CACNA2D2: variants seen among roughly 807,000 people sequenced by gnomAD.
The protein encoded by CACNA2D2 is calcium voltage-gated channel auxiliary subunit alpha2delta 2, also known as voltage-dependent calcium channel subunit alpha-2/delta-2.
Under a neutral mutation model 166.4 loss-of-function variants are expected in CACNA2D2, and 48 were observed. That is an observed-to-expected ratio of 0.29 (90% CI 0.23 to 0.37). The LOEUF is 0.37. CACNA2D2 is among the 10% of genes least tolerant of loss of function. The probability of loss-of-function intolerance (pLI) is 1.00; values close to 1 mark genes in which losing one functional copy is unlikely to be tolerated. For missense variants in CACNA2D2, 1,122 were observed against 1,433.0 expected, an observed-to-expected ratio of 0.78 and a Z score of 3.50; for synonymous variants, 561 against 573.7, an observed-to-expected ratio of 0.98 and a Z score of 0.32.
intron 2 of CACNA2D2, among the ~76,000 whole-genome samples, chr3:50,474,874 T>A (rs1710243930): frequency 6.6e-6 from 1 of 152,140 alleles, no homozygotes; most frequent in Non-Finnish European, 1.5e-5. Context: ...GGCCTCCAAG[T>A]GCGGCTGAGT....
chr3:50,394,174 G>A lies in CACNA2D2; in HGVS notation c.406-6C>T. 6.2e-7 allele frequency: 1 copy of A among 1,613,750 alleles called. No homozygotes were observed. The highest frequency in any genetic ancestry group is 8.5e-7 in the Non-Finnish European group (1 of 1,179,710). Reference sequence around the variant, plus strand: ...TCTGCAGCATCAGCCAGTCTCTGAGGGACAGAGCACAGGGAGGTCAGAAGC... The same window carrying A: ...TCTGCAGCATCAGCCAGTCTCTGAGAGACAGAGCACAGGGAGGTCAGAAGC... On this transcript the variant is annotated splice_region_variant and splice_polypyrimidine_tract_variant and intron_variant, in intron 3 of 37. Coordinates refer to ENST00000424201, the MANE Select transcript of CACNA2D2 (RefSeq NM_006030.4).
chr3:50,500,911 A>G (rs1223595285), intron 1 of CACNA2D2, among the ~76,000 whole-genome samples: 1 of 151,826 alleles, frequency 6.6e-6, no homozygotes, highest in Non-Finnish European at 1.5e-5. Context: ...GCAGACCCCA[A>G]ACCCACACTT....
intron 3 of CACNA2D2, among the ~76,000 whole-genome samples, chr3:50,400,790 C>T (rs1460407466): frequency 6.6e-6 from 1 of 152,258 alleles, no homozygotes; most frequent in African/African-American, 2.4e-5. Flanking sequence ...GCTGGACACA[C>T]TTGGCTCCTG....
intron 1 of CACNA2D2, among the ~76,000 whole-genome samples, chr3:50,500,072 T>C (rs1486783174): frequency 2.6e-5 from 4 of 151,928 alleles, no homozygotes; most frequent in African/African-American, 9.7e-5. Context: ...CACAGGGAGA[T>C]GGAGACAGGG....
rs1703994628 is a variant in CACNA2D2 at position 50,362,640 on chromosome 3, A to C, written c.*2026T>G. On this transcript the variant is annotated 3_prime_UTR_variant, in exon 38 of 38. Coordinates refer to ENST00000424201, the MANE Select transcript of CACNA2D2 (RefSeq NM_006030.4). ...TGTCAAGGGCCTGGCACCTATTATA[A>C]CTGGTGGAAGCAAGTGCCATGCCCT... Among the ~76,000 whole-genome samples, 1 of 151,422 alleles carries C rather than the reference A, an allele frequency of 6.6e-6. No homozygotes were observed. Among genetic ancestry groups the C allele is most frequent in the Non-Finnish European group, 1.5e-5 (1 of 68,018 alleles).
At chr3:50,442,454 T>C (rs1265639045) in intron 2 of CACNA2D2, among the ~76,000 whole-genome samples, 3 of 152,184 alleles carry the variant, frequency 2.0e-5, no homozygotes, top group Non-Finnish European at 2.9e-5. Context: ...CCACCACTCC[T>C]TGATCTAAGA....
intron 2 of CACNA2D2, among the ~76,000 whole-genome samples, chr3:50,442,225 T>C (rs1230582726): frequency 6.6e-6 from 1 of 152,156 alleles, no homozygotes; most frequent in African/African-American, 2.4e-5. Flanking sequence ...CAAATGGCCC[T>C]GGGCAAGGGG....
intron 6 of CACNA2D2, 75 bp from the exon 7 acceptor site, chr3:50,381,201 G>A: frequency 2.0e-6 from 3 of 1,525,628 alleles, no homozygotes; most frequent in Non-Finnish European, 1.8e-6. Flanking sequence ...CGACACTCAT[G>A]CCTGTGCCCC....
At chr3:50,434,254 GA>G in intron 3 of CACNA2D2, 58 bp downstream of exon 3, 3 of 1,176,430 alleles carry the variant, frequency 2.6e-6, no homozygotes, top group Non-Finnish European at 3.8e-6. Flanking sequence ...CATGGTACAG[GA>G]CCTCTCCACC....
intron 3 of CACNA2D2, 99 bp from the exon 4 acceptor site, chr3:50,394,267 C>A (rs1461988415): frequency 7.0e-5 from 67 of 958,934 alleles, no homozygotes; most frequent in East Asian, 1.2e-4. Flanking sequence ...TGGGGCCAGG[C>A]TGGACTGGTG....
In CACNA2D2 at chr3:50,366,950, T is replaced by G; in HGVS notation, c.2501-31A>C. 6.2e-7 allele frequency: 1 copy of G among 1,613,276 alleles called. No homozygotes were observed. On this transcript the variant is annotated intron_variant, in intron 28 of 37. Transcript: ENST00000424201. This position sits in a 1 kb window ranked among gnomAD's most constrained non-coding sequence, Gnocchi z 5.9. The stretch of plus-strand genomic sequence containing the variant: ...GGGGAGAGCAAGGGACCATCAGTGC[T>G]ACCTGCCCAGGCAGTACCCTGTCCA...
chr3:50,494,927 C>T (rs765637550), intron 1 of CACNA2D2, among the ~76,000 whole-genome samples: 3 of 152,232 alleles, frequency 2.0e-5, no homozygotes, highest in Admixed American at 6.5e-5. Context: ...CCTCCCACCT[C>T]GGCCTCCTAA....
intron 1 of CACNA2D2, among the ~76,000 whole-genome samples, chr3:50,481,767 G>A (rs1338012929): frequency 2.6e-5 from 4 of 152,176 alleles, no homozygotes; most frequent in Admixed American, 1.3e-4. Context: ...AGCCCCAGGC[G>A]GGCAGTTTGC....
Position 50,376,203 on chromosome 3 carries a change from T to TG in CACNA2D2, c.1627-16dup. 6.2e-7 allele frequency: 1 copy of TG among 1,612,956 alleles called. No homozygotes were observed. The highest frequency in any genetic ancestry group is 8.5e-7 in the Non-Finnish European group (1 of 1,179,822). On this transcript the variant is annotated splice_polypyrimidine_tract_variant and intron_variant, in intron 17 of 37. Coordinates refer to ENST00000424201, the MANE Select transcript of CACNA2D2 (RefSeq NM_006030.4). This position sits in a 1 kb window ranked among gnomAD's most constrained non-coding sequence, Gnocchi z 4.3. ...TTGGCTCCAAGCTGGAGGCACAGAT[T>TG]GGGGGCTCAGGGTCTGGAGGGATGG... is the stretch of plus-strand genomic sequence containing the variant.
chr3:50,424,848 G>C (rs1250163432), intron 3 of CACNA2D2, among the ~76,000 whole-genome samples: 1 of 152,136 alleles, frequency 6.6e-6, no homozygotes, highest in Non-Finnish European at 1.5e-5. Context: ...CCTGGAGCCA[G>C]TGAAACCTCA....
At chr3:50,426,302 T>G (rs1338885854) in intron 3 of CACNA2D2, among the ~76,000 whole-genome samples, 1 of 152,180 alleles carries the variant, frequency 6.6e-6, no homozygotes, top group African/African-American at 2.4e-5. Flanking sequence ...CAGCAGAGGT[T>G]TGCTGAATGA....
At chr3:50,478,100 T>A in intron 1 of CACNA2D2, among the ~76,000 whole-genome samples, 1 of 151,672 alleles carries the variant, frequency 6.6e-6, no homozygotes, top group South Asian at 2.1e-4. Context: ...CTTCGGCTTG[T>A]TGCTGGCTGA....
intron 3 of CACNA2D2, among the ~76,000 whole-genome samples, chr3:50,420,562 T>G (rs1034409): frequency 0.095 from 14,538 of 152,254 alleles, 2,029 homozygotes; most frequent in African/African-American, 0.31. Context: ...ACCCTGTGCA[T>G]AGTCCACAGC....
intron 22 of CACNA2D2, chr3:50,373,080 T>C (rs1282748403): frequency 4.6e-6 from 7 of 1,534,722 alleles, no homozygotes; most frequent in Admixed American, 2.0e-5. Context: ...AGTTTGCTGA[T>C]TGGCACTGGG....
Sources: allele counts gnomAD v4.1 joint callset (sites outside exome capture counted in the v4.1 genomes callset), GRCh38; gene constraint gnomAD v4.1.1; non-coding constraint Gnocchi (gnomAD v3.1); transcripts MANE v1.5; gene names NCBI Gene and HGNC (gene_info 2026-07-23, HGNC 2026-07-21).